The following TLL1 variants were observed in gnomAD, a reference collection of about 807,000 sequenced individuals.
TLL1 encodes tolloid like 1.
Under a neutral mutation model 128.2 loss-of-function variants are expected in TLL1, and 49 were observed. That is an observed-to-expected ratio of 0.38 (90% CI 0.30 to 0.48). The LOEUF (loss-of-function observed/expected upper bound fraction) is 0.48, where lower values mean the gene tolerates loss of function less well. TLL1 is among the 20% of genes least tolerant of loss of function. The pLI, the probability that TLL1 is intolerant of heterozygous loss-of-function variation, is 0.96. For missense variants in TLL1, 1,123 were observed against 1,242.0 expected (o/e 0.90, Z 1.44); for synonymous variants, 454 against 418.8 (o/e 1.08, Z -1.03).
At chr4:165,888,016 T>A (rs1234914953) in intron 1 of TLL1, among the ~76,000 whole-genome samples, 1 of 152,212 alleles carries the variant, frequency 6.6e-6, no homozygotes, top group Non-Finnish European at 1.5e-5. Flanking sequence ...TTCTTGACAG[T>A]CTTGTACGTT....
At chr4:166,088,067 T>G (rs1045011921) in intron 18 of TLL1, among the ~76,000 whole-genome samples, 4 of 152,134 alleles carry the variant, frequency 2.6e-5, no homozygotes, top group Non-Finnish European at 5.9e-5. Context: ...TCTTAAACAC[T>G]TAAGAAAAAT....
chr4:166,051,397 T>G (rs1739727743), intron 12 of TLL1, among the ~76,000 whole-genome samples: 4 of 151,810 alleles, frequency 2.6e-5, no homozygotes, highest in African/African-American at 9.7e-5. Flanking sequence ...TCGCCTTTGG[T>G]GTTCTTTTAC....
In TLL1 at chr4:166,094,427, A is replaced by G. The variant is rs189325341; in HGVS notation, c.2656+3086A>G. Among the ~76,000 whole-genome samples, 78 of 152,216 alleles carry G rather than the reference A, an allele frequency of 5.1e-4. 1 individual carries two copies. The East Asian group carries it at 0.014, about 27-fold the overall frequency. ...TCTTCTTTATAGAAATATTAAGTAA[A>G]TCTTTTCAAAATATATAAGTGACTA... On this transcript the variant is annotated intron_variant, in intron 19 of 20. Coordinates refer to ENST00000061240, the MANE Select transcript of TLL1 (RefSeq NM_012464.5).
At chr4:166,079,682 T>A (rs576146198) in intron 18 of TLL1, among the ~76,000 whole-genome samples, 1 of 152,282 alleles carries the variant, frequency 6.6e-6, no homozygotes, top group South Asian at 2.1e-4. Context: ...TTCTTACATC[T>A]GTATTGTGGG....
intron 1 of TLL1, among the ~76,000 whole-genome samples, chr4:165,956,297 G>A (rs1312146621): frequency 2.6e-5 from 4 of 151,938 alleles, no homozygotes; most frequent in Admixed American, 2.6e-4. Flanking sequence ...AATTTACCAG[G>A]GTGGAGTTTT....
chr4:166,003,586 G>A lies in TLL1; in HGVS notation c.811+17G>A. ...TCCAGCCAGGTGAGAGGCATAGAAT[G>A]TGTTGGGTTTAAGGCTGACTGGGTA... is the stretch of plus-strand genomic sequence containing the variant. On this transcript the variant is annotated intron_variant, in intron 6 of 20. Transcript: ENST00000061240. 1.2e-6 allele frequency: 2 copies of A among 1,613,574 alleles called. No homozygotes were observed. Among genetic ancestry groups the A allele is most frequent in the East Asian group, 2.2e-5 (1 of 44,832 alleles).
At chr4:165,885,919 C>G (rs541250769) in intron 1 of TLL1, among the ~76,000 whole-genome samples, 1 of 152,158 alleles carries the variant, frequency 6.6e-6, no homozygotes, top group Non-Finnish European at 1.5e-5. Flanking sequence ...TTGAATATAT[C>G]CTTGAAAATA....
intron 1 of TLL1, among the ~76,000 whole-genome samples, chr4:165,918,659 G>A (rs1701923852): frequency 1.3e-5 from 2 of 151,902 alleles, no homozygotes; most frequent in South Asian, 4.1e-4. Context: ...AATTGAAATA[G>A]CATCTTGGTC....
chr4:165,993,886 T>G (rs1736749104), intron 3 of TLL1, among the ~76,000 whole-genome samples: 1 of 152,164 alleles, frequency 6.6e-6, no homozygotes, highest in Non-Finnish European at 1.5e-5. Context: ...TTTGTCTTAA[T>G]GTTACTTCAT....
chr4:166,027,080 C>T (rs1397545225), intron 9 of TLL1, among the ~76,000 whole-genome samples: 1 of 152,104 alleles, frequency 6.6e-6, no homozygotes, highest in African/African-American at 2.4e-5. Context: ...GAACTCATGT[C>T]CTTGTAGCAA....
At chr4:166,074,827 CCT>C in intron 16 of TLL1, 49 bp from the exon 17 acceptor site, 2 of 1,606,914 alleles carry the variant, frequency 1.2e-6, no homozygotes, top group South Asian at 1.1e-5. Context: ...CCTTTGATAT[CCT>C]CTGTTTTTAA....
chr4:165,906,024 G>A (rs1181417803), intron 1 of TLL1, among the ~76,000 whole-genome samples: 2 of 151,966 alleles, frequency 1.3e-5, no homozygotes, highest in Non-Finnish European at 2.9e-5. Context: ...TATAATTCAG[G>A]AGTCAGCAAA....
Position 166,100,987 on chromosome 4 carries a change from A to G in TLL1, c.*111A>G. ...TGTTTTATACAAAGAGTTTGAACAA[A>G]AAATCCCTGTAAGACCAGAATTATC... On this transcript the variant is annotated 3_prime_UTR_variant, in exon 21 of 21. Transcript: ENST00000061240. The G allele has an allele frequency of 7.2e-7, 1 of 1,388,268 alleles. No homozygotes were observed. The highest frequency in any genetic ancestry group is 9.9e-7 in the Non-Finnish European group (1 of 1,012,408). The allele number at this position is 1,388,268 out of a possible 1,614,324, so 86.0% of individuals were successfully genotyped here. A position where few individuals can be genotyped will look rare whatever the true frequency, so the allele number is the denominator to read the frequency against.
intron 19 of TLL1, among the ~76,000 whole-genome samples, chr4:166,096,627 T>C (rs1742035409): frequency 6.6e-6 from 1 of 152,080 alleles, no homozygotes; most frequent in African/African-American, 2.4e-5. Context: ...AAAGGCTGCC[T>C]GTACCAGATC....
intron 1 of TLL1, among the ~76,000 whole-genome samples, chr4:165,933,383 CCG>C (rs1733618637): frequency 6.6e-6 from 1 of 152,052 alleles, no homozygotes; most frequent in Non-Finnish European, 1.5e-5. Flanking sequence ...GGTGTTGTGC[CCG>C]TACAGTTCAC....
intron 1 of TLL1, among the ~76,000 whole-genome samples, chr4:165,948,392 T>TA (rs1734356634): frequency 6.6e-6 from 1 of 152,172 alleles, no homozygotes; most frequent in South Asian, 2.1e-4. Context: ...ATGAGATTCT[T>TA]ACGCTTTGAG....
intron 12 of TLL1, chr4:166,044,245 T>C (rs536569597): frequency 1.4e-6 from 1 of 733,888 alleles, no homozygotes; most frequent in African/African-American, 1.8e-5. Context: ...GGAAGACTAA[T>C]TCACTAAGTG....
intron 5 of TLL1, among the ~76,000 whole-genome samples, chr4:165,996,363 C>A (rs1220215535): frequency 6.6e-6 from 1 of 152,154 alleles, no homozygotes; most frequent in Non-Finnish European, 1.5e-5. Context: ...AATCCCAGCA[C>A]TTTAAGAGGC....
intron 9 of TLL1, 146 bp from the exon 10 acceptor site, chr4:166,039,193 A>G: frequency 1.6e-6 from 1 of 632,932 alleles, no homozygotes; most frequent in Non-Finnish European, 2.8e-6. Context: ...TCAGAAAAAA[A>G]CTATTAGGAT....
Sources: allele counts gnomAD v4.1 joint callset (sites outside exome capture counted in the v4.1 genomes callset), GRCh38; gene constraint gnomAD v4.1.1; transcripts MANE v1.5; gene names NCBI Gene and HGNC (gene_info 2026-07-23, HGNC 2026-07-21).